The following SMARCA2 variants were observed in gnomAD, a reference collection of about 807,000 sequenced individuals.
SMARCA2 encodes the protein SWI/SNF related BAF chromatin remodeling complex subunit ATPase 2.
In SMARCA2, 61 loss-of-function variants were observed where a neutral mutation model predicts 199.8. That is an observed-to-expected ratio of 0.31 (90% confidence interval 0.25 to 0.38). The LOEUF (loss-of-function observed/expected upper bound fraction) is 0.38, where lower values mean the gene tolerates loss of function less well. Among genes scored for constraint, SMARCA2 ranks in the 10% least tolerant of loss-of-function variants. SMARCA2 has a pLI of 1.00. For synonymous variants in SMARCA2, 935 were observed against 732.0 expected (o/e 1.28, Z -4.48); for missense variants, 1,344 against 2,012.2 (o/e 0.67, Z 6.35).
chr9:2,088,352 C>T (rs1821895826), intron 18 of SMARCA2, 148 bp from the exon 19 acceptor site: 1 of 803,958 alleles, frequency 1.2e-6, no homozygotes, highest in Admixed American at 4.0e-5. Context: ...GAAGATAATT[C>T]AGAGGTAGAT....
intron 31 of SMARCA2, among the ~76,000 whole-genome samples, chr9:2,184,563 C>T (rs955303383): frequency 4.0e-5 from 6 of 151,598 alleles, no homozygotes; most frequent in African/African-American, 7.3e-5. Context: ...CCATGTTGGC[C>T]GGGCTGGTCT....
intron 8 of SMARCA2, among the ~76,000 whole-genome samples, chr9:2,060,244 A>G (rs1387777813): frequency 4.0e-5 from 6 of 151,896 alleles, no homozygotes; most frequent in African/African-American, 2.4e-5. Flanking sequence ...TTAAAAGCCC[A>G]TTTGATTCCT....
chr9:2,076,125 C>A, intron 12 of SMARCA2, 104 bp from the exon 13 acceptor site: 1 of 682,342 alleles, frequency 1.5e-6, no homozygotes, highest in South Asian at 1.8e-5. Context: ...GATCTTACTT[C>A]ATTTGTGAAG....
intron 20 of SMARCA2, 142 bp from the exon 21 acceptor site, chr9:2,097,239 TAAAG>T: frequency 3.6e-6 from 2 of 563,124 alleles, no homozygotes; most frequent in Non-Finnish European, 6.3e-6. Context: ...GCTATATAAT[TAAAG>T]AAGCTTTGAA....
chr9:2,125,419 T>TTATTTAAGC (rs1357538369), intron 27 of SMARCA2, among the ~76,000 whole-genome samples: 1 of 152,174 alleles, frequency 6.6e-6, no homozygotes, highest in Non-Finnish European at 1.5e-5. Flanking sequence ...TGGGAAAATT[T>TTATTTAAGC]TATTTAAGCA....
At position 2,084,018 on chromosome 9, in the gene SMARCA2, T is replaced by C. The variant is rs866486429; in HGVS notation, c.2416-68T>C. ...CACATGTCTGGGCATCATTAAGCTA[T>C]GAAAAGTGAGAAATAATGCACATAT... is the stretch of plus-strand genomic sequence containing the variant. On this transcript the variant is annotated intron_variant, in intron 16 of 33. Coordinates refer to ENST00000349721, the MANE Select transcript of SMARCA2 (RefSeq NM_003070.5). The C allele has an allele frequency of 1.1e-4, 89 of 827,822 alleles. 1 individual carries two copies. The Middle Eastern group carries it at 3.3e-3, about 31-fold the overall frequency. 51.3% of individuals were successfully genotyped at this position (827,822 alleles called of 1,614,324 possible).
chr9:2,033,313 C>A, intron 3 of SMARCA2: 2 of 466,042 alleles, frequency 4.3e-6, no homozygotes, highest in Non-Finnish European at 3.8e-6. Flanking sequence ...TGTGTCCAAG[C>A]AGTCTGCAAA....
At chr9:2,158,224 A>C (rs1055951666) in intron 27 of SMARCA2, 2 of 196,314 alleles carry the variant, frequency 1.0e-5, no homozygotes, top group Admixed American at 1.2e-4. Context: ...TCCCAGCTTC[A>C]TTCAGGAAAA....
intron 28 of SMARCA2, among the ~76,000 whole-genome samples, chr9:2,163,128 C>G (rs1301794411): frequency 6.6e-6 from 1 of 152,170 alleles, no homozygotes; most frequent in East Asian, 1.9e-4. Flanking sequence ...AAACTTTCCA[C>G]CATGGGGTTT....
intron 32 of SMARCA2, among the ~76,000 whole-genome samples, chr9:2,188,974 TAC>T (rs918726456): frequency 6.6e-6 from 1 of 152,180 alleles, no homozygotes; most frequent in African/African-American, 2.4e-5. Flanking sequence ...CAATGACAGG[TAC>T]AGTCCTTCTC....
chr9:2,164,355 T>C (rs934775131), intron 28 of SMARCA2, among the ~76,000 whole-genome samples: 1 of 152,100 alleles, frequency 6.6e-6, no homozygotes, highest in Non-Finnish European at 1.5e-5. Flanking sequence ...TGTCTTGATT[T>C]AACCACCTGC....
chr9:2,081,416 C>A (rs897003812), intron 14 of SMARCA2, among the ~76,000 whole-genome samples: 7 of 152,302 alleles, frequency 4.6e-5, no homozygotes, highest in African/African-American at 1.7e-4. Flanking sequence ...ACTGAGGGGA[C>A]CTCACCCATA....
chr9:2,038,712 C>T (rs1197033844), intron 3 of SMARCA2, among the ~76,000 whole-genome samples: 1 of 152,124 alleles, frequency 6.6e-6, no homozygotes, highest in Non-Finnish European at 1.5e-5. Flanking sequence ...CCTTTTCATA[C>T]CCCTATTAGT....
intron 10 of SMARCA2, among the ~76,000 whole-genome samples, chr9:2,072,574 A>C (rs1045369252): frequency 6.6e-6 from 1 of 152,244 alleles, no homozygotes; most frequent in Non-Finnish European, 1.5e-5. Flanking sequence ...ATGAGATGAC[A>C]TAAGTTATAA....
At chr9:2,092,115 T>A (rs1022409643) in intron 19 of SMARCA2, among the ~76,000 whole-genome samples, 2 of 152,200 alleles carry the variant, frequency 1.3e-5, no homozygotes, top group African/African-American at 4.8e-5. Context: ...AAATAAAAAT[T>A]GATTTTTCTA....
At chr9:2,100,091 G>C (rs1380225787) in intron 21 of SMARCA2, among the ~76,000 whole-genome samples, 1 of 152,192 alleles carries the variant, frequency 6.6e-6, no homozygotes, top group Non-Finnish European at 1.5e-5. Context: ...AAAAGCTGCA[G>C]GGATCCAGGG....
At position 2,145,038 on chromosome 9, in the gene SMARCA2, G is replaced by A. The variant is rs1000790644; in HGVS notation, c.3982-16648G>A. 2.6e-5 allele frequency among the ~76,000 whole-genome samples: 4 copies of A among 152,310 alleles called. No individual in the cohort carries two copies. In the South Asian group the frequency reaches 8.3e-4, roughly 32 times the overall value. ...AAACGCGCTGGTTATGGTGGCTCAT[G>A]CCTGTAATCCCAGCATTTTGGGAGG... On this transcript the variant is annotated intron_variant, in intron 27 of 33. Coordinates refer to ENST00000349721, the MANE Select transcript of SMARCA2 (RefSeq NM_003070.5).
At chr9:2,062,728 C>T (rs1337136894) in intron 9 of SMARCA2, among the ~76,000 whole-genome samples, 1 of 152,038 alleles carries the variant, frequency 6.6e-6, no homozygotes, top group Non-Finnish European at 1.5e-5. Flanking sequence ...AGGTCGTGTG[C>T]TAGAATGCTG....
At chr9:2,097,359 A>G (rs750992297) in intron 20 of SMARCA2, 26 bp from the exon 21 acceptor site, 41 of 1,422,660 alleles carry the variant, frequency 2.9e-5, no homozygotes, top group Non-Finnish European at 2.9e-5. Flanking sequence ...AATTAATTCT[A>G]TTTTTCCCTT....
Sources: gnomAD v4.1 joint callset for allele counts (sites outside exome capture counted in the v4.1 genomes callset) on GRCh38, gnomAD v4.1.1 for gene constraint, MANE v1.5 for transcripts, NCBI Gene and HGNC (gene_info 2026-07-23, HGNC 2026-07-21) for gene names.